TLL1: variants seen among roughly 807,000 people sequenced by gnomAD.
The protein encoded by TLL1 is tolloid like 1, also known as tolloid-like protein 1.
A neutral mutation model predicts 128.2 loss-of-function variants in TLL1; 49 were observed. The observed-to-expected ratio is 0.38, with a 90% confidence interval of 0.30 to 0.48. TLL1 has a LOEUF of 0.48. Among genes scored for constraint, TLL1 ranks in the 20% least tolerant of loss-of-function variants. The probability of loss-of-function intolerance (pLI) is 0.96; values close to 1 mark genes in which losing one functional copy is unlikely to be tolerated. For missense variants in TLL1, 1,123 were observed against 1,242.0 expected, an observed-to-expected ratio of 0.90 and a Z score of 1.44; for synonymous variants, 454 against 418.8, an observed-to-expected ratio of 1.08 and a Z score of -1.03.
intron 10 of TLL1, among the ~76,000 whole-genome samples, chr4:166,041,349 G>A (rs1299271202): frequency 6.8e-6 from 1 of 147,378 alleles, no homozygotes; most frequent in Non-Finnish European, 1.5e-5. Context: ...TCGCCAGGCT[G>A]GAGTGCAGTG....
chr4:166,068,430 A>G (rs1184790933), intron 16 of TLL1, among the ~76,000 whole-genome samples: 2 of 151,870 alleles, frequency 1.3e-5, no homozygotes, highest in Non-Finnish European at 2.9e-5. Context: ...ATCATATGTC[A>G]AAAGCCAAGT....
intron 1 of TLL1, among the ~76,000 whole-genome samples, chr4:165,902,015 C>A (rs983665340): frequency 1.3e-5 from 2 of 152,110 alleles, no homozygotes; most frequent in Non-Finnish European, 2.9e-5. Context: ...CTGCCGAGTT[C>A]GAACTTCTGG....
chr4:166,047,042 A>T (rs1579669144), intron 12 of TLL1, among the ~76,000 whole-genome samples: 1 of 152,320 alleles, frequency 6.6e-6, no homozygotes, highest in East Asian at 1.9e-4. Context: ...TTATGTTGAA[A>T]ATGTATAATC....
At chr4:165,979,117 T>G (rs1736021651) in intron 1 of TLL1, among the ~76,000 whole-genome samples, 1 of 152,294 alleles carries the variant, frequency 6.6e-6, no homozygotes. Flanking sequence ...TATTACTCTG[T>G]ATTCAAATTC....
At chr4:166,034,994 G>T (rs527399692) in intron 9 of TLL1, among the ~76,000 whole-genome samples, 3 of 152,148 alleles carry the variant, frequency 2.0e-5, no homozygotes, top group African/African-American at 7.2e-5. Flanking sequence ...TTTTATCAGG[G>T]CACTAATCTC....
intron 8 of TLL1, among the ~76,000 whole-genome samples, chr4:166,016,328 G>T (rs1335777257): frequency 1.3e-5 from 2 of 152,004 alleles, no homozygotes; most frequent in African/African-American, 4.8e-5. Context: ...AAAATTATTT[G>T]ATTAACAGCA....
chr4:166,097,416 A>G (rs1742075259), intron 19 of TLL1, among the ~76,000 whole-genome samples: 1 of 152,078 alleles, frequency 6.6e-6, no homozygotes, highest in Non-Finnish European at 1.5e-5. Flanking sequence ...ATACTCATCT[A>G]CCATTTGGAA....
chr4:166,053,703 G>A (rs537429794), intron 12 of TLL1, among the ~76,000 whole-genome samples: 2 of 152,190 alleles, frequency 1.3e-5, no homozygotes, highest in South Asian at 4.2e-4. Flanking sequence ...CAGTTCCATG[G>A]ACATTCCCCG....
intron 18 of TLL1, among the ~76,000 whole-genome samples, chr4:166,080,155 C>A (rs1409886246): frequency 6.6e-6 from 1 of 152,070 alleles, no homozygotes; most frequent in Admixed American, 6.6e-5. Flanking sequence ...TGAGGCCTCT[C>A]TTTCTGGCTT....
chr4:166,051,253 CTTTT>C (rs1739710574), intron 12 of TLL1, among the ~76,000 whole-genome samples: 5 of 147,528 alleles, frequency 3.4e-5, no homozygotes, highest in South Asian at 4.5e-4. Context: ...TCTCTTTTTT[CTTTT>C]TTCTCCTCCC....
chr4:166,099,253 A>G, intron 19 of TLL1, 24 bp from the exon 20 acceptor site: 2 of 1,613,226 alleles, frequency 1.2e-6, no homozygotes, highest in Non-Finnish European at 1.7e-6. Context: ...GACCTTACTC[A>G]TCTTATTTTT....
At chr4:165,875,284 C>T (rs945213527) in intron 1 of TLL1, among the ~76,000 whole-genome samples, 1 of 152,100 alleles carries the variant, frequency 6.6e-6, no homozygotes, top group Admixed American at 6.5e-5. Flanking sequence ...TCTCTTGGGC[C>T]TGGAGGAAGG....
At chr4:165,959,277 C>T (rs908167392) in intron 1 of TLL1, among the ~76,000 whole-genome samples, 1 of 151,982 alleles carries the variant, frequency 6.6e-6, no homozygotes, top group Admixed American at 6.6e-5. Context: ...ATGGGGATGG[C>T]ATTGAATCTA....
intron 1 of TLL1, among the ~76,000 whole-genome samples, chr4:165,878,192 G>A (rs373285331): frequency 6.6e-6 from 1 of 151,962 alleles, no homozygotes; most frequent in Non-Finnish European, 1.5e-5. Context: ...GGCCATTTTC[G>A]AATTTGATGT....
chr4:165,986,170 A>C (rs1736386422), intron 1 of TLL1, among the ~76,000 whole-genome samples: 1 of 152,042 alleles, frequency 6.6e-6, no homozygotes, highest in African/African-American at 2.4e-5. Flanking sequence ...ACAAAATTCC[A>C]AAGTGGATTC....
chr4:165,945,872 A>C (rs1272075592), intron 1 of TLL1, among the ~76,000 whole-genome samples: 1 of 152,138 alleles, frequency 6.6e-6, no homozygotes, highest in African/African-American at 2.4e-5. Context: ...CTGCAGAGGG[A>C]ATTAAGTTTG....
chr4:165,957,419 C>T (rs1734855741), intron 1 of TLL1, among the ~76,000 whole-genome samples: 1 of 151,944 alleles, frequency 6.6e-6, no homozygotes, highest in African/African-American at 2.4e-5. Context: ...CAGCACTCCA[C>T]TAACAGCTTT....
chr4:166,014,334 C>A, intron 7 of TLL1, 102 bp from the exon 8 acceptor site: 1 of 1,553,378 alleles, frequency 6.4e-7, no homozygotes, highest in Non-Finnish European at 8.8e-7. Context: ...GTGTAGTTCC[C>A]CTTTGATTGA....
chr4:166,045,353 C>CT (rs774057466), intron 12 of TLL1, among the ~76,000 whole-genome samples: 4 of 152,098 alleles, frequency 2.6e-5, no homozygotes, highest in African/African-American at 4.8e-5. Flanking sequence ...TATTTCAGTA[C>CT]TTTTTGTCAC....
Sources: gnomAD v4.1 joint callset for allele counts (sites outside exome capture counted in the v4.1 genomes callset) on GRCh38, gnomAD v4.1.1 for gene constraint, MANE v1.5 for transcripts, NCBI Gene and HGNC (gene_info 2026-07-23, HGNC 2026-07-21) for gene names.